The following TRHDE variants were observed in gnomAD, a reference collection of about 807,000 sequenced individuals.
TRHDE encodes the protein thyrotropin releasing hormone degrading enzyme.
A neutral mutation model predicts 125.7 loss-of-function variants in TRHDE; 72 were observed. The observed-to-expected ratio is 0.57, with a 90% confidence interval of 0.47 to 0.70. The LOEUF is 0.70. TRHDE is among the 30% of genes least tolerant of loss of function. The pLI, the probability that TRHDE is intolerant of heterozygous loss-of-function variation, is 0.00. For missense variants in TRHDE, 1,110 were observed against 1,327.1 expected, an observed-to-expected ratio of 0.84 and a Z score of 2.54; for synonymous variants, 509 against 509.1, an observed-to-expected ratio of 1.00 and a Z score of 0.00.
At chr12:72,632,449 G>A (rs1255062274) in intron 15 of TRHDE, among the ~76,000 whole-genome samples, 2 of 151,714 alleles carry the variant, frequency 1.3e-5, no homozygotes, top group Non-Finnish European at 2.9e-5. Context: ...ACAAACACTG[G>A]AGTCTATAAA....
chr12:72,300,474 AT>A (rs1213744206), intron 2 of TRHDE, among the ~76,000 whole-genome samples: 10 of 151,934 alleles, frequency 6.6e-5, no homozygotes, highest in Admixed American at 1.3e-4. Context: ...TTATATACAC[AT>A]AGACATATAC....
intron 2 of TRHDE, among the ~76,000 whole-genome samples, chr12:72,144,545 C>T (rs1296484655): frequency 1.3e-5 from 2 of 152,158 alleles, no homozygotes; most frequent in South Asian, 2.1e-4. Context: ...GGAGGTGTCT[C>T]GTGTGTTACT....
At chr12:72,237,782 G>A (rs1482035330) in intron 2 of TRHDE, among the ~76,000 whole-genome samples, 1 of 152,140 alleles carries the variant, frequency 6.6e-6, no homozygotes, top group African/African-American at 2.4e-5. Context: ...CCAGTCTCAG[G>A]TAGTAACTCT....
At chr12:72,237,145 A>G (rs753407658) in intron 2 of TRHDE, among the ~76,000 whole-genome samples, 29 of 152,216 alleles carry the variant, frequency 1.9e-4, no homozygotes, top group Admixed American at 9.2e-4. Context: ...GAAGGAAATA[A>G]ATCAGCTTGT....
chr12:72,161,851 C>G (rs1876644869), intron 2 of TRHDE, among the ~76,000 whole-genome samples: 1 of 152,192 alleles, frequency 6.6e-6, no homozygotes, highest in South Asian at 2.1e-4. Flanking sequence ...TTTATTTGAT[C>G]TTGATATGTG....
intron 3 of TRHDE, among the ~76,000 whole-genome samples, chr12:72,401,251 A>G (rs1873031571): frequency 6.6e-6 from 1 of 152,234 alleles, no homozygotes; most frequent in Non-Finnish European, 1.5e-5. Flanking sequence ...AATACTAACT[A>G]CGGCAACAAT....
chr12:72,378,316 C>A (rs1206814054), intron 3 of TRHDE, among the ~76,000 whole-genome samples, 195 bp downstream of exon 3: 2 of 152,018 alleles, frequency 1.3e-5, no homozygotes, highest in Non-Finnish European at 2.9e-5. Context: ...AATAAGTGCT[C>A]ATAGGAATTA....
At chr12:72,187,165 G>A (rs947193412) in intron 2 of TRHDE, among the ~76,000 whole-genome samples, 1 of 152,118 alleles carries the variant, frequency 6.6e-6, no homozygotes, top group Admixed American at 6.5e-5. Context: ...GGTTCATGAA[G>A]TGTTTTCCTT....
At chr12:72,220,414 T>C (rs2139367634) in intron 2 of TRHDE, among the ~76,000 whole-genome samples, 1 of 152,280 alleles carries the variant, frequency 6.6e-6, no homozygotes, top group Middle Eastern at 3.4e-3. Context: ...GGCAGGCACA[T>C]GGCCAGTTCT....
intron 3 of TRHDE, among the ~76,000 whole-genome samples, chr12:72,394,939 T>C (rs1028784443): frequency 6.6e-6 from 1 of 152,232 alleles, no homozygotes; most frequent in African/African-American, 2.4e-5. Context: ...TAAAAAATTT[T>C]ACATATGTAT....
At chr12:72,518,436 A>C (rs1424953963) in intron 6 of TRHDE, among the ~76,000 whole-genome samples, 1 of 151,678 alleles carries the variant, frequency 6.6e-6, no homozygotes, top group African/African-American at 2.4e-5. Context: ...TGTTGGTTTA[A>C]AGTCTGTTTT....
intron 2 of TRHDE, among the ~76,000 whole-genome samples, chr12:72,206,997 T>TA (rs1391323086): frequency 6.6e-6 from 1 of 152,200 alleles, no homozygotes; most frequent in East Asian, 1.9e-4. Context: ...TGAGACTTTT[T>TA]ACCTTTCTCT....
chr12:72,608,824 C>A (rs1254032974), intron 12 of TRHDE, among the ~76,000 whole-genome samples: 1 of 152,136 alleles, frequency 6.6e-6, no homozygotes, highest in African/African-American at 2.4e-5. Flanking sequence ...CAATTATCCC[C>A]AGTTCTTTTT....
Position 72,163,755 on chromosome 12 carries a change from G to A in TRHDE, n.279+58003G>A, listed in dbSNP as rs568873182. Among the ~76,000 whole-genome samples, 4 of 152,282 alleles carry A rather than the reference G, an allele frequency of 2.6e-5. No individual in the cohort carries two copies. The East Asian group carries it at 7.7e-4, about 29-fold the overall frequency. On this transcript the variant is annotated intron_variant and non_coding_transcript_variant, in intron 2 of 4. Coordinates refer to the TRHDE transcript ENST00000548156. ...TTGAATATCTTAAAAAAGAAGAAAT[G>A]CACATCTTAGAATGGGTTTAACATG...
intron 2 of TRHDE, among the ~76,000 whole-genome samples, chr12:72,158,226 G>A (rs904493445): frequency 1.3e-5 from 2 of 151,916 alleles, no homozygotes; most frequent in Non-Finnish European, 2.9e-5. Context: ...AGGGATGAGA[G>A]GAATGGGATG....
intron 12 of TRHDE, among the ~76,000 whole-genome samples, chr12:72,607,299 G>A (rs1872485735): frequency 6.6e-6 from 1 of 152,046 alleles, no homozygotes; most frequent in Non-Finnish European, 1.5e-5. Context: ...TTTTTGGCAA[G>A]ATTACTTCAG....
Position 72,632,949 on chromosome 12 carries a change from T to C in TRHDE, c.2675+11198T>C, listed in dbSNP as rs533189967. On this transcript the variant is annotated intron_variant, in intron 15 of 18. Transcript: ENST00000261180. ...AATGTTATCTGGGCCACTCAGTTTCTTATGTTTTTGTGCTTTGGCAATTAT... is the reference window on the plus strand; with the variant it reads ...AATGTTATCTGGGCCACTCAGTTTCCTATGTTTTTGTGCTTTGGCAATTAT... Among the ~76,000 whole-genome samples, 6 of 152,128 alleles carry C rather than the reference T, an allele frequency of 3.9e-5. No individual in the cohort carries two copies. In the East Asian group the frequency reaches 1.2e-3, roughly 29 times the overall value.
chr12:72,095,951 A>T (rs1400922254), intron 1 of TRHDE, among the ~76,000 whole-genome samples: 1 of 152,158 alleles, frequency 6.6e-6, no homozygotes, highest in African/African-American at 2.4e-5. Context: ...GGCTGAATAG[A>T]ACAAAAGATT....
chr12:72,238,315 T>TATATATACACACATATAC (rs1878393164), intron 2 of TRHDE, among the ~76,000 whole-genome samples: 4 of 32,024 alleles, frequency 1.2e-4, no homozygotes, highest in African/African-American at 3.6e-4. Flanking sequence ...TATATATATA[T>TATATATACACACATATAC]ATATATACAT....
Sources: gnomAD v4.1 joint callset for allele counts (sites outside exome capture counted in the v4.1 genomes callset) on GRCh38, gnomAD v4.1.1 for gene constraint, MANE v1.5 for transcripts, NCBI Gene and HGNC (gene_info 2026-07-23, HGNC 2026-07-21) for gene names.